Variants in AMBRA1 observed in about 807,000 individuals in gnomAD.
The protein encoded by AMBRA1 is autophagy and beclin 1 regulator 1, also known as activating molecule in BECN1-regulated autophagy protein 1.
A neutral mutation model predicts 125.4 loss-of-function variants in AMBRA1; 47 were observed. That is an observed-to-expected ratio of 0.37 (90% CI 0.30 to 0.48). The LOEUF is 0.48. Ranked by LOEUF, AMBRA1 falls within the 20% of genes least tolerant of loss-of-function variation. The pLI is 0.99. For synonymous variants in AMBRA1, 626 were observed against 655.5 expected (o/e 0.95, Z 0.69); for missense variants, 1,331 against 1,693.4 (o/e 0.79, Z 3.76).
At chr11:46,425,732 G>T (rs897857486) in intron 14 of AMBRA1, among the ~76,000 whole-genome samples, 2 of 152,116 alleles carry the variant, frequency 1.3e-5, no homozygotes, top group Non-Finnish European at 2.9e-5. Context: ...CCAGCTACTC[G>T]GGAGGCTGAG....
At chr11:46,544,069 A>T in intron 5 of AMBRA1, 28 bp from the exon 6 acceptor site, 6 of 1,573,432 alleles carry the variant, frequency 3.8e-6, no homozygotes, top group Non-Finnish European at 5.2e-6. Flanking sequence ...AGAGACAAAG[A>T]CACACATAGA....
At chr11:46,564,100 C>T (rs1396961818) in intron 1 of AMBRA1, among the ~76,000 whole-genome samples, 1 of 145,934 alleles carries the variant, frequency 6.9e-6, no homozygotes, top group African/African-American at 2.5e-5. Context: ...GCCGAGATGG[C>T]GCCATTGCAC....
At chr11:46,571,518 T>C (rs1248648414) in intron 1 of AMBRA1, among the ~76,000 whole-genome samples, 1 of 151,600 alleles carries the variant, frequency 6.6e-6, no homozygotes, top group African/African-American at 2.4e-5. Context: ...CTACAAAAAA[T>C]ACAAAAATTA....
At chr11:46,408,431 G>C (rs543858659) in intron 17 of AMBRA1, 82 bp downstream of exon 17, 2 of 1,343,182 alleles carry the variant, frequency 1.5e-6, no homozygotes, top group African/African-American at 1.5e-5. Context: ...CATGGGAGGG[G>C]GTATGCATCC....
Position 46,433,554 on chromosome 11 carries a change from G to A in AMBRA1, c.2896C>T (p.Leu966=). Residue 966 remains leucine (L), a synonymous_variant, in exon 14 of 18, where the codon CTG becomes TTG. Transcript: ENST00000683756. ...VMVGLASRRI[L]LHPSTEHMVA... ...ATGTGCTCTGTGGAGGGGTGCAGCA[G>A]GATCCTTCGTGAGGCCAAGCCCACC... The A allele has an allele frequency of 6.2e-7, 1 of 1,614,220 alleles. No individual in the cohort carries two copies. The highest frequency in any genetic ancestry group is 1.1e-5 in the South Asian group (1 of 91,088).
rs539013131 is a variant in AMBRA1, at chr11:46,427,102, G to A, written c.2976+6372C>T. ...ATATTATAAGTTCAATTCAAGGGCA[G>A]GGAAGGAGAGAGTCATAATGAAGTT... On this transcript the variant is annotated intron_variant, in intron 14 of 17. Coordinates refer to ENST00000683756, the MANE Select transcript of AMBRA1 (RefSeq NM_001387011.1). Among the ~76,000 whole-genome samples, 14 of 140,442 alleles carry A rather than the reference G, an allele frequency of 1.0e-4. No homozygotes were observed. The East Asian group carries it at 1.7e-3, about 17-fold the overall frequency. 92.1% of individuals were successfully genotyped at this position (140,442 alleles called of 152,430 possible).
chr11:46,583,493 T>A lies in AMBRA1; in HGVS notation c.-121+10335A>T, dbSNP rs2044250081. 2.0e-5 allele frequency among the ~76,000 whole-genome samples: 3 copies of A among 147,808 alleles called. No individual in the cohort carries two copies. The South Asian group carries it at 6.4e-4, about 32-fold the overall frequency. On this transcript the variant is annotated intron_variant, in intron 1 of 17. Transcript: ENST00000683756. ...AAGCAATGGCAACAAAAGCCAAAAT[T>A]GACAAATGGGATCTAATTAAACTAA... is the stretch of plus-strand genomic sequence containing the variant.
chr11:46,473,832 A>G (rs983645749), intron 11 of AMBRA1, among the ~76,000 whole-genome samples: 2 of 152,148 alleles, frequency 1.3e-5, no homozygotes, highest in Admixed American at 1.3e-4. Flanking sequence ...TTGTATTTTT[A>G]GTGGAGACGG....
intron 9 of AMBRA1, among the ~76,000 whole-genome samples, chr11:46,503,263 T>C (rs551482370): frequency 2.6e-4 from 39 of 152,140 alleles, no homozygotes; most frequent in Middle Eastern, 3.4e-3. Flanking sequence ...TATAGGGATA[T>C]TAAATGGCCT....
chr11:46,403,702 C>T (rs907188419), intron 17 of AMBRA1, among the ~76,000 whole-genome samples: 6 of 152,084 alleles, frequency 3.9e-5, no homozygotes, highest in Non-Finnish European at 8.8e-5. Flanking sequence ...AAAAAGCTGA[C>T]GCGTGCAAAT....
At chr11:46,582,901 T>C (rs2044226273) in intron 1 of AMBRA1, among the ~76,000 whole-genome samples, 1 of 151,760 alleles carries the variant, frequency 6.6e-6, no homozygotes, top group East Asian at 1.9e-4. Flanking sequence ...CAAGAAATAG[T>C]TGTAAAAGGC....
rs189754758 is a variant in AMBRA1, at chr11:46,509,883, T to C, written c.2160-1513A>G. 1.6e-3 allele frequency among the ~76,000 whole-genome samples: 236 copies of C among 151,878 alleles called. 3 individuals are homozygous for C. Among genetic ancestry groups the C allele is most frequent in the Non-Finnish European group, 2.4e-3 (161 of 67,968 alleles). On this transcript the variant is annotated intron_variant, in intron 8 of 17. Transcript: ENST00000683756. ...TTTTTTAATGGAAATCAGAAAAAAA[T>C]TGATTAAGAACAGAAACAGGAATAG...
chr11:46,504,580 A>G (rs1184709585), intron 9 of AMBRA1: 3 of 152,236 alleles, frequency 2.0e-5, no homozygotes, highest in African/African-American at 7.2e-5. Context: ...GTGCAGTTTG[A>G]TAAACACAAG....
intron 14 of AMBRA1, among the ~76,000 whole-genome samples, chr11:46,422,265 C>T: frequency 6.6e-6 from 1 of 152,164 alleles, no homozygotes; most frequent in East Asian, 1.9e-4. Flanking sequence ...ACCCCTCTTC[C>T]CAAAGTAGAT....
intron 15 of AMBRA1, among the ~76,000 whole-genome samples, chr11:46,414,711 G>T (rs1280983430): frequency 1.3e-5 from 2 of 152,226 alleles, no homozygotes; most frequent in Non-Finnish European, 2.9e-5. Flanking sequence ...GCAGGTGGGG[G>T]AGCAGAGGAG....
intron 1 of AMBRA1, among the ~76,000 whole-genome samples, chr11:46,554,785 C>T (rs1464509187): frequency 6.6e-6 from 1 of 152,074 alleles, no homozygotes; most frequent in Admixed American, 6.6e-5. Flanking sequence ...GAAGAAGAAA[C>T]AAGTTTCCCA....
intron 14 of AMBRA1, among the ~76,000 whole-genome samples, chr11:46,426,192 A>T (rs1345882900): frequency 6.6e-6 from 1 of 152,160 alleles, no homozygotes. Context: ...TGTTACAGTG[A>T]TAGTGGTGGT....
chr11:46,404,266 G>A (rs1945899311), intron 17 of AMBRA1, among the ~76,000 whole-genome samples: 1 of 152,228 alleles, frequency 6.6e-6, no homozygotes, highest in Non-Finnish European at 1.5e-5. Context: ...TTCTAGCCCA[G>A]CCCAGAAGAG....
chr11:46,461,865 A>C (rs561582619), intron 11 of AMBRA1, among the ~76,000 whole-genome samples: 2 of 152,202 alleles, frequency 1.3e-5, no homozygotes, highest in Non-Finnish European at 2.9e-5. Context: ...AAGCATGCAA[A>C]CACATGCCCA....
Sources: gnomAD v4.1 joint callset for allele counts (sites outside exome capture counted in the v4.1 genomes callset) on GRCh38, gnomAD v4.1.1 for gene constraint, MANE v1.5 for transcripts, NCBI Gene and HGNC (gene_info 2026-07-23, HGNC 2026-07-21) for gene names.